The following MARCHF1 variants were observed in gnomAD, a reference collection of about 807,000 sequenced individuals.
MARCHF1 encodes the protein E3 ubiquitin-protein ligase MARCHF1.
MARCHF1 carries 40 observed loss-of-function variants against 54.2 expected under a neutral mutation model. The observed-to-expected ratio is 0.74, with a 90% CI of 0.57 to 0.96. The LOEUF is 0.96. Ranked by LOEUF, MARCHF1 falls within the 40% of genes least tolerant of loss-of-function variation. MARCHF1 has a pLI of 0.00. For missense variants in MARCHF1, 586 were observed against 656.5 expected (o/e 0.89, Z 1.17); for synonymous variants, 236 against 236.3 (o/e 1.00, Z 0.01).
At chr4:163,573,323 T>G (rs1308570526) in intron 8 of MARCHF1, among the ~76,000 whole-genome samples, 1 of 148,726 alleles carries the variant, frequency 6.7e-6, no homozygotes, top group Non-Finnish European at 1.5e-5. Flanking sequence ...ATTATTATTA[T>G]TATTATACTT....
intron 1 of MARCHF1, among the ~76,000 whole-genome samples, chr4:164,334,190 G>A (rs1729664674): frequency 6.6e-6 from 1 of 152,166 alleles, no homozygotes; most frequent in Non-Finnish European, 1.5e-5. Context: ...GATGAAGGTA[G>A]CTGCACTAAA....
intron 1 of MARCHF1, among the ~76,000 whole-genome samples, chr4:164,288,245 C>T (rs1210078258): frequency 1.3e-5 from 2 of 151,930 alleles, no homozygotes; most frequent in East Asian, 1.9e-4. Flanking sequence ...AAAATCTTAC[C>T]GCAAAAGCTA....
chr4:163,614,263 A>C (rs1309258571), intron 5 of MARCHF1, among the ~76,000 whole-genome samples: 1 of 152,174 alleles, frequency 6.6e-6, no homozygotes, highest in Non-Finnish European at 1.5e-5. Flanking sequence ...ATATGTGCTT[A>C]TCAGTGTTCT....
At chr4:164,189,439 G>C (rs1001112300) in intron 1 of MARCHF1, 1 of 696,416 alleles carries the variant, frequency 1.4e-6, no homozygotes, top group Non-Finnish European at 2.6e-6. Context: ...GAAGAATTCT[G>C]ATATTGATGA....
intron 4 of MARCHF1, among the ~76,000 whole-genome samples, chr4:163,796,353 A>G (rs1158073436): frequency 6.6e-6 from 1 of 150,900 alleles, no homozygotes; most frequent in African/African-American, 2.4e-5. Context: ...CAGCCTCCCG[A>G]GTAGCTGGGA....
intron 3 of MARCHF1, among the ~76,000 whole-genome samples, chr4:163,920,762 G>A (rs1751412922): frequency 6.6e-6 from 1 of 152,114 alleles, no homozygotes. Flanking sequence ...AGAAATTTTG[G>A]AATATATTAA....
chr4:164,049,143 G>C (rs957214746), intron 2 of MARCHF1, among the ~76,000 whole-genome samples: 7 of 152,226 alleles, frequency 4.6e-5, no homozygotes, highest in African/African-American at 1.7e-4. Context: ...GCGTGGCTGA[G>C]AAGACCTCAG....
At chr4:163,712,014 TAAA>T (rs1399996710) in intron 4 of MARCHF1, among the ~76,000 whole-genome samples, 1 of 152,176 alleles carries the variant, frequency 6.6e-6, no homozygotes, top group Non-Finnish European at 1.5e-5. Flanking sequence ...TGCAGTGACT[TAAA>T]AACCTATCAA....
rs564021094 is a variant in MARCHF1, at chr4:163,604,716, C to G, written c.1010+7555G>C. ...AAGGAAGTCCATGATTGGATTCCCC[C>G]ACCTCTGCTCCCTGGCTCTCTACTA... is the stretch of plus-strand genomic sequence containing the variant. On this transcript the variant is annotated intron_variant, in intron 7 of 9. Coordinates refer to ENST00000514618, the MANE Select transcript of MARCHF1 (RefSeq NM_001394959.1). 4.6e-5 allele frequency among the ~76,000 whole-genome samples: 7 copies of G among 152,218 alleles called. No individual in the cohort carries two copies. The East Asian group carries it at 1.4e-3, about 29-fold the overall frequency.
At chr4:164,365,249 G>C (rs1434054145) in intron 1 of MARCHF1, among the ~76,000 whole-genome samples, 1 of 151,970 alleles carries the variant, frequency 6.6e-6, no homozygotes, top group East Asian at 1.9e-4. Flanking sequence ...AAGTGAATTC[G>C]AGAAAAATGC....
intron 4 of MARCHF1, among the ~76,000 whole-genome samples, chr4:163,757,655 A>T (rs1746716020): frequency 6.6e-6 from 1 of 152,222 alleles, no homozygotes; most frequent in African/African-American, 2.4e-5. Flanking sequence ...CCATAGAAAC[A>T]CAAAACTAGT....
intron 5 of MARCHF1, among the ~76,000 whole-genome samples, chr4:163,631,687 A>G (rs1285049312): frequency 6.6e-6 from 1 of 152,238 alleles, no homozygotes; most frequent in Non-Finnish European, 1.5e-5. Context: ...GATAAAGTTT[A>G]ATTAAGAATA....
At chr4:164,213,296 C>T (rs975713067) in intron 1 of MARCHF1, among the ~76,000 whole-genome samples, 1 of 151,130 alleles carries the variant, frequency 6.6e-6, no homozygotes, top group Admixed American at 6.6e-5. Context: ...TGCAGTGGCG[C>T]AAGCTCTGCT....
At chr4:163,678,453 C>G (rs941457938) in intron 5 of MARCHF1, among the ~76,000 whole-genome samples, 4 of 152,026 alleles carry the variant, frequency 2.6e-5, no homozygotes, top group African/African-American at 9.7e-5. Flanking sequence ...TTTTGGTAGG[C>G]CCTCTAAGCT....
At chr4:164,013,743 A>G (rs1308079636) in intron 2 of MARCHF1, among the ~76,000 whole-genome samples, 1 of 148,456 alleles carries the variant, frequency 6.7e-6, no homozygotes, top group Non-Finnish European at 1.5e-5. Flanking sequence ...GCTGATGGAA[A>G]AAAAAATCTT....
At chr4:164,269,565 T>C (rs1733692648) in intron 1 of MARCHF1, among the ~76,000 whole-genome samples, 1 of 152,234 alleles carries the variant, frequency 6.6e-6, no homozygotes, top group Non-Finnish European at 1.5e-5. Flanking sequence ...TCTAAATAAA[T>C]TTATTTCTTT....
At chr4:164,376,752 T>C (rs1369942093) in intron 1 of MARCHF1, among the ~76,000 whole-genome samples, 1 of 152,036 alleles carries the variant, frequency 6.6e-6, no homozygotes, top group African/African-American at 2.4e-5. Flanking sequence ...GACATGCTAG[T>C]AAAGTCACAG....
At chr4:163,935,439 C>A (rs1751772161) in intron 3 of MARCHF1, among the ~76,000 whole-genome samples, 1 of 152,176 alleles carries the variant, frequency 6.6e-6, no homozygotes, top group African/African-American at 2.4e-5. Context: ...CTTGCTGAAG[C>A]TTCTCCATTA....
chr4:163,658,867 T>A (rs1259789109), intron 5 of MARCHF1, among the ~76,000 whole-genome samples: 5 of 151,844 alleles, frequency 3.3e-5, no homozygotes, highest in Admixed American at 6.6e-5. Flanking sequence ...AGGTGATGGG[T>A]TGATAGGTGC....
Sources: allele counts gnomAD v4.1 joint callset (sites outside exome capture counted in the v4.1 genomes callset), GRCh38; gene constraint gnomAD v4.1.1; transcripts MANE v1.5; gene names NCBI Gene and HGNC (gene_info 2026-07-23, HGNC 2026-07-21).